KDM3A: variants seen among roughly 807,000 people sequenced by gnomAD.
KDM3A encodes the protein lysine demethylase 3A, also known as lysine-specific demethylase 3A.
KDM3A carries 60 observed loss-of-function variants against 158.0 expected under a neutral mutation model. The ratio of observed to expected loss-of-function variants is 0.38; its 90% confidence interval spans 0.31 to 0.47. KDM3A has a LOEUF of 0.47. Ranked by LOEUF, KDM3A falls within the 20% of genes least tolerant of loss-of-function variation. The pLI is 0.99. For synonymous variants in KDM3A, 608 were observed against 549.3 expected (o/e 1.11, Z -1.49); for missense variants, 1,319 against 1,574.3 (o/e 0.84, Z 2.74).
chr2:86,437,085 C>T (rs1381839321), upstream of KDM3A, among the ~76,000 whole-genome samples: 1 of 151,906 alleles, frequency 6.6e-6, no homozygotes, highest in Non-Finnish European at 1.5e-5. Flanking sequence ...GCATTTTGAT[C>T]TACCTGGAAC....
At chr2:86,465,938 CAAAAAA>C (rs10541366) in intron 9 of KDM3A, among the ~76,000 whole-genome samples, 2 of 118,052 alleles carry the variant, frequency 1.7e-5, no homozygotes, top group Admixed American at 8.8e-5. Context: ...AATTTACACA[CAAAAAA>C]AAAAAAAAAA....
At chr2:86,452,121 G>T (rs1672497260) in intron 4 of KDM3A, among the ~76,000 whole-genome samples, 1 of 151,642 alleles carries the variant, frequency 6.6e-6, no homozygotes, top group Non-Finnish European at 1.5e-5. Context: ...TAAATAAGGT[G>T]ATGTTCCACC....
chr2:86,463,069 T>C (rs1321890412), intron 8 of KDM3A, among the ~76,000 whole-genome samples: 2 of 151,966 alleles, frequency 1.3e-5, no homozygotes, highest in Non-Finnish European at 2.9e-5. Flanking sequence ...CTAGCCTGGG[T>C]GATAATAGTG....
In KDM3A at chr2:86,481,227, C is replaced by T. The variant is rs540070758; in HGVS notation, c.2513-703C>T. 1.6e-4 allele frequency among the ~76,000 whole-genome samples: 25 copies of T among 152,186 alleles called. 1 individual carries two copies. In the South Asian group the frequency reaches 5.0e-3, roughly 30 times the overall value. ...CAAGACTGGAGACATCATAAATAGT[C>T]GTTGAATTTTTTTAAAAATTTGTTT... On this transcript the variant is annotated intron_variant, in intron 16 of 25. Coordinates refer to ENST00000312912, the MANE Select transcript of KDM3A (RefSeq NM_018433.6).
chr2:86,442,033 G>C lies in KDM3A; in HGVS notation c.-15G>C. 1 of 1,613,226 alleles carries C rather than the reference G, an allele frequency of 6.2e-7. No individual in the cohort carries two copies. ...GTTTTTGCAGGGAGGAGCTCTTCCTGCAGGCGTGGAAACCATGGTGCTCAC... is the reference window on the plus strand; with the variant it reads ...GTTTTTGCAGGGAGGAGCTCTTCCTCCAGGCGTGGAAACCATGGTGCTCAC... On this transcript the variant is annotated 5_prime_UTR_variant, in exon 2 of 26. Transcript: ENST00000312912.
At chr2:86,437,420 C>T (rs545461296), upstream of KDM3A, among the ~76,000 whole-genome samples, 3 of 152,118 alleles carry the variant, frequency 2.0e-5, no homozygotes, top group South Asian at 4.1e-4. Context: ...GGATTACAGG[C>T]ATAAGTCACT....
At chr2:86,456,602 A>G in intron 6 of KDM3A, 36 bp downstream of exon 6, 1 of 1,579,496 alleles carries the variant, frequency 6.3e-7, no homozygotes, top group Non-Finnish European at 8.6e-7. Flanking sequence ...AGATAACTCG[A>G]CAAAGCATGA....
chr2:86,477,167 C>T (rs1026879305), intron 12 of KDM3A, among the ~76,000 whole-genome samples: 12 of 152,204 alleles, frequency 7.9e-5, no homozygotes, highest in Non-Finnish European at 1.2e-4. Flanking sequence ...ACAGAAAATG[C>T]TGCTTTGTGG....
At position 86,480,167 on chromosome 2, in the gene KDM3A, A is replaced by G. The variant is rs1476148837; in HGVS notation, c.2317A>G (p.Thr773Ala). 6.2e-7 allele frequency: 1 copy of G among 1,611,480 alleles called. No homozygotes were observed. Among genetic ancestry groups the G allele is most frequent in the Admixed American group, 1.7e-5 (1 of 59,990 alleles). The change falls in exon 16 of 26, where the codon ACT becomes GCT. Residue 773 changes from threonine to alanine, a missense_variant and splice_region_variant. By Grantham distance (58) the Thr-to-Ala change is moderately conservative (BLOSUM62 0). Around this residue, in one of 4 missense-constraint regions of KDM3A, gnomAD observed 368 missense variants for 415.8 expected, o/e 0.89. Transcript: ENST00000312912. ...KPASKEDLKQ[T>A]SLAGEKPTLG... The stretch of plus-strand genomic sequence containing the variant: ...AATCGTCCTTTAATGCTTAACACAG[A>G]CTTCTTTAGCTGGAGAAAAACCGAC...
rs537610847 is a variant in KDM3A, at chr2:86,442,350, T to G, written c.186+117T>G. On this transcript the variant is annotated intron_variant, in intron 2 of 25. Transcript: ENST00000312912. ...GAGACCAGAAAGTTGGCATATGATCTGAAGGTGCAGGAAGCTAGATCTTGA... is the reference window on the plus strand; with the variant it reads ...GAGACCAGAAAGTTGGCATATGATCGGAAGGTGCAGGAAGCTAGATCTTGA... The G allele has an allele frequency of 3.1e-6, 3 of 958,510 alleles. No homozygotes were observed. The East Asian group carries it at 7.9e-5, about 25-fold the overall frequency. 59.4% of individuals were successfully genotyped at this position (958,510 alleles called of 1,614,324 possible). A position where few individuals can be genotyped will look rare whatever the true frequency, so the allele number is the denominator to read the frequency against.
At position 86,473,854 on chromosome 2, in the gene KDM3A, A is replaced by G. The variant is rs533216604; in HGVS notation, c.1725-922A>G. ...AGTATTGAAGGCAGATAATGAACAAATGTTCTGCCCTTTGTTCCACTTCTT... is the reference window on the plus strand; with the variant it reads ...AGTATTGAAGGCAGATAATGAACAAGTGTTCTGCCCTTTGTTCCACTTCTT... On this transcript the variant is annotated intron_variant, in intron 11 of 25. Coordinates refer to ENST00000312912, the MANE Select transcript of KDM3A (RefSeq NM_018433.6). 4.6e-5 allele frequency among the ~76,000 whole-genome samples: 7 copies of G among 152,314 alleles called. No homozygotes were observed. In the South Asian group the frequency reaches 8.3e-4, roughly 18 times the overall value.
At position 86,482,546 on chromosome 2, in the gene KDM3A, A is replaced by G; in HGVS notation, c.2774A>G (p.Lys925Arg). 2 of 1,614,156 alleles carry G rather than the reference A, an allele frequency of 1.2e-6. No homozygotes were observed. The highest frequency in any genetic ancestry group is 1.7e-6 in the Non-Finnish European group (2 of 1,180,010). ...AATAAGACGACTTCTGATTTATCTAAGAGGCCTCAAGGACTAACCATCAAG... is the reference window on the plus strand; with the variant it reads ...AATAAGACGACTTCTGATTTATCTAGGAGGCCTCAAGGACTAACCATCAAG... ...VQNKTTSDLS[K>R]RPQGLTIKPS... is the part of the protein sequence containing the mutation. Residue 925 changes from lysine to arginine, a missense_variant, in exon 18 of 26, where the codon AAG becomes AGG. Transcript: ENST00000312912.
intron 1 of KDM3A, 166 bp from the exon 2 acceptor site, chr2:86,441,852 G>A (rs1267438058): frequency 1.3e-5 from 4 of 300,562 alleles, no homozygotes; most frequent in African/African-American, 9.0e-5. Flanking sequence ...TGTGGCGGGG[G>A]AGGGCGGCGG....
At chr2:86,480,017 T>A in intron 15 of KDM3A, 150 bp from the exon 16 acceptor site, 1 of 633,418 alleles carries the variant, frequency 1.6e-6, no homozygotes. Flanking sequence ...GCGGGATTAC[T>A]GCAGCTGTGG....
At chr2:86,452,667 GT>G (rs1226247305) in intron 4 of KDM3A, among the ~76,000 whole-genome samples, 2 of 152,018 alleles carry the variant, frequency 1.3e-5, no homozygotes, top group Non-Finnish European at 2.9e-5. Context: ...TACCTGACTT[GT>G]TTCTTTGGGG....
At chr2:86,438,559 G>C (rs1682529330), upstream of KDM3A, among the ~76,000 whole-genome samples, 1 of 151,840 alleles carries the variant, frequency 6.6e-6, no homozygotes, top group Admixed American at 6.6e-5. Flanking sequence ...ATTTGATATA[G>C]CCATTCCACA....
In KDM3A at chr2:86,455,471, G is replaced by T. The variant is rs549891539; in HGVS notation, c.556+284G>T. 2.6e-5 allele frequency among the ~76,000 whole-genome samples: 4 copies of T among 151,760 alleles called. No individual in the cohort carries two copies. The East Asian group carries it at 7.8e-4, about 30-fold the overall frequency. ...TTTCACTATTTCACCATGTTGGCCA[G>T]GCTGGTGTCAAACTCCTGGCCTTAA... is the stretch of plus-strand genomic sequence containing the variant. On this transcript the variant is annotated intron_variant, in intron 5 of 25. Transcript: ENST00000312912.
intron 8 of KDM3A, 86 bp from the exon 9 acceptor site, chr2:86,463,967 A>G: frequency 1.0e-6 from 1 of 989,432 alleles, no homozygotes; most frequent in Non-Finnish European, 1.4e-6. Context: ...GTTTAGTATT[A>G]AGCAAATGAT....
rs777477358 is a variant in KDM3A at position 86,490,960 on chromosome 2, T to A, written c.3653T>A (p.Leu1218Ter). Residue 1218 changes from leucine to a stop codon, truncating the protein, a stop_gained, in exon 24 of 26, where the codon TTA becomes TAA. Coordinates refer to ENST00000312912, the MANE Select transcript of KDM3A (RefSeq NM_018433.6). LOFTEE classifies it high-confidence loss of function. Reference protein sequence around the residue: ...HDQSWYLDRSLRKRLHQEYGV... With the variant: ...HDQSWYLDRS Reference sequence around the variant, plus strand: ...CAAAGCTGGTATTTAGACCGATCATTAAGAAAACGTCTTCATCAAGAGTAT... The same window carrying A: ...CAAAGCTGGTATTTAGACCGATCATAAAGAAAACGTCTTCATCAAGAGTAT... The A allele has an allele frequency of 6.2e-7, 1 of 1,613,970 alleles. No individual in the cohort carries two copies. Among genetic ancestry groups the A allele is most frequent in the South Asian group, 1.1e-5 (1 of 91,078 alleles).
Sources: allele counts gnomAD v4.1 joint callset (sites outside exome capture counted in the v4.1 genomes callset), GRCh38; gene constraint gnomAD v4.1.1; regional missense constraint gnomAD v4.1.1; transcripts MANE v1.5; gene names NCBI Gene and HGNC (gene_info 2026-07-23, HGNC 2026-07-21).